The following DGLUCY variants were observed in gnomAD, a reference collection of about 807,000 sequenced individuals.
DGLUCY encodes the protein D-glutamate cyclase, mitochondrial.
A neutral mutation model predicts 58.5 loss-of-function variants in DGLUCY; 58 were observed. That is an observed-to-expected ratio of 0.99 (90% confidence interval 0.80 to 1.23). The LOEUF is 1.23. Ranked by LOEUF, DGLUCY falls within the 50% of genes most tolerant of loss-of-function variation. The pLI is 0.00. For synonymous variants in DGLUCY, 325 were observed against 314.1 expected (o/e 1.03, Z -0.37); for missense variants, 779 against 784.7 (o/e 0.99, Z 0.09).
At chr14:91,085,052 T>C (rs1323535416) in intron 1 of DGLUCY, among the ~76,000 whole-genome samples, 8 of 151,874 alleles carry the variant, frequency 5.3e-5, no homozygotes, top group Admixed American at 5.2e-4. Flanking sequence ...CAAGACCCCA[T>C]CTCTACAAAA....
intron 12 of DGLUCY, among the ~76,000 whole-genome samples, chr14:91,211,232 G>A (rs557507575): frequency 1.8e-4 from 27 of 152,206 alleles, no homozygotes; most frequent in African/African-American, 4.1e-4. Flanking sequence ...AAGAAGACTC[G>A]ATATTGTCAA....
chr14:91,076,382 A>T (rs2044023088), intron 1 of DGLUCY, among the ~76,000 whole-genome samples: 1 of 152,194 alleles, frequency 6.6e-6, no homozygotes, highest in Non-Finnish European at 1.5e-5. Context: ...TATAATACCT[A>T]ATACAGTGTA....
At chr14:91,176,702 C>T (rs535470015) in intron 7 of DGLUCY, among the ~76,000 whole-genome samples, 61 of 152,168 alleles carry the variant, frequency 4.0e-4, no homozygotes, top group African/African-American at 1.3e-3. Context: ...TGGGCTCCAG[C>T]GAGGGAGGTG....
chr14:91,223,819 T>C, intron 13 of DGLUCY: 1 of 722,604 alleles, frequency 1.4e-6, no homozygotes, highest in South Asian at 1.7e-5. Context: ...AGAACAACCC[T>C]CTAAAGGAGG....
At chr14:91,136,804 A>T (rs777392202) in intron 1 of DGLUCY, among the ~76,000 whole-genome samples, 1 of 151,030 alleles carries the variant, frequency 6.6e-6, no homozygotes, top group Non-Finnish European at 1.5e-5. Flanking sequence ...CTCCATCTCT[A>T]ACTAAAAATA....
chr14:91,217,429 C>T (rs985555479), intron 13 of DGLUCY, among the ~76,000 whole-genome samples: 9 of 151,500 alleles, frequency 5.9e-5, no homozygotes, highest in Non-Finnish European at 7.4e-5. Context: ...TGGGCAGGCC[C>T]GATAGCCTCC....
At chr14:91,192,324 G>A (rs1566996256) in intron 9 of DGLUCY, among the ~76,000 whole-genome samples, 1 of 152,282 alleles carries the variant, frequency 6.6e-6, no homozygotes, top group East Asian at 1.9e-4. Context: ...GTAGAGTGGT[G>A]GTTGCCAGTG....
At chr14:91,130,862 AT>A (rs1235145109) in intron 1 of DGLUCY, among the ~76,000 whole-genome samples, 3 of 151,442 alleles carry the variant, frequency 2.0e-5, no homozygotes, top group Non-Finnish European at 4.4e-5. Flanking sequence ...CTTTCTCCCC[AT>A]TTTTTTAATG....
At chr14:91,067,611 C>T (rs969244693) in intron 1 of DGLUCY, among the ~76,000 whole-genome samples, 5 of 151,702 alleles carry the variant, frequency 3.3e-5, no homozygotes, top group Non-Finnish European at 7.4e-5. Flanking sequence ...TGTAATGGCA[C>T]GATCTCGGCT....
At chr14:91,106,895 A>G (rs1180385945), upstream of DGLUCY, among the ~76,000 whole-genome samples, 1 of 152,216 alleles carries the variant, frequency 6.6e-6, no homozygotes, top group South Asian at 2.1e-4. Flanking sequence ...AAGAGAAACT[A>G]TTTTTTGACA....
At chr14:91,218,811 G>C (rs575752475) in intron 13 of DGLUCY, among the ~76,000 whole-genome samples, 2 of 152,276 alleles carry the variant, frequency 1.3e-5, no homozygotes, top group East Asian at 3.9e-4. Context: ...CACCCTGGGT[G>C]GGGGACTCAG....
chr14:91,121,703 C>T (rs1466679086), intron 1 of DGLUCY, among the ~76,000 whole-genome samples: 3 of 151,918 alleles, frequency 2.0e-5, no homozygotes, highest in East Asian at 1.9e-4. Flanking sequence ...TCTCCTACTT[C>T]CCCAGCCAGA....
At chr14:91,149,678 A>G (rs560911360) in intron 1 of DGLUCY, among the ~76,000 whole-genome samples, 6 of 152,370 alleles carry the variant, frequency 3.9e-5, no homozygotes, top group Admixed American at 2.0e-4. Context: ...TCTGTACTAA[A>G]TAAGCAAACA....
intron 1 of DGLUCY, among the ~76,000 whole-genome samples, chr14:91,063,670 G>A (rs1364207385): frequency 6.6e-6 from 1 of 152,246 alleles, no homozygotes; most frequent in African/African-American, 2.4e-5. Flanking sequence ...CAGGCAAAGA[G>A]CCTATTCGGT....
At chr14:91,189,588 A>G (rs1342325526) in intron 9 of DGLUCY, among the ~76,000 whole-genome samples, 2 of 152,160 alleles carry the variant, frequency 1.3e-5, no homozygotes, top group Admixed American at 1.3e-4. Flanking sequence ...CTGCACCTGG[A>G]GCACCCAGGT....
chr14:91,160,805 C>G (rs1334582586), intron 3 of DGLUCY, among the ~76,000 whole-genome samples: 2 of 152,216 alleles, frequency 1.3e-5, no homozygotes, highest in African/African-American at 2.4e-5. Context: ...GCACCCATTT[C>G]CCTACTGTCT....
chr14:91,092,957 G>A (rs569996076), intron 1 of DGLUCY, among the ~76,000 whole-genome samples: 5 of 151,978 alleles, frequency 3.3e-5, no homozygotes, highest in Non-Finnish European at 5.9e-5. Context: ...GGTGGCAGGC[G>A]CCTATGGTCC....
chr14:91,167,000 G>A (rs569031036), intron 3 of DGLUCY, among the ~76,000 whole-genome samples: 167 of 151,868 alleles, frequency 1.1e-3, no homozygotes, highest in Non-Finnish European at 1.8e-3. Flanking sequence ...TTAGCTAGGC[G>A]TGGTGGCAGA....
intron 13 of DGLUCY, among the ~76,000 whole-genome samples, chr14:91,222,289 T>C (rs917099292): frequency 1.4e-4 from 21 of 152,166 alleles, no homozygotes; most frequent in African/African-American, 5.1e-4. Context: ...GCTCGAAACC[T>C]GTTGGCTGAT....
Sources: allele counts gnomAD v4.1 joint callset (sites outside exome capture counted in the v4.1 genomes callset), GRCh38; gene constraint gnomAD v4.1.1; transcripts MANE v1.5; gene names NCBI Gene and HGNC (gene_info 2026-07-23, HGNC 2026-07-21).